Variants in GGH observed in about 807,000 individuals in gnomAD.
The protein encoded by GGH is gamma-glutamyl hydrolase.
Under a neutral mutation model 39.2 loss-of-function variants are expected in GGH, and 18 were observed. The ratio of observed to expected loss-of-function variants is 0.46; its 90% CI spans 0.32 to 0.68. The LOEUF (loss-of-function observed/expected upper bound fraction) is 0.68, where lower values mean the gene tolerates loss of function less well. GGH is among the 30% of genes least tolerant of loss of function. The probability of loss-of-function intolerance (pLI) is 0.04; values close to 1 mark genes in which losing one functional copy is unlikely to be tolerated. For missense variants in GGH, 367 were observed against 384.1 expected (o/e 0.96, Z 0.37); for synonymous variants, 147 against 138.8 (o/e 1.06, Z -0.42).
chr8:63,035,569 T>C (rs1272166411), intron 2 of GGH, 87 bp downstream of exon 2: 46 of 1,510,886 alleles, frequency 3.0e-5, no homozygotes, highest in Non-Finnish European at 3.3e-5. Flanking sequence ...CCTCCCAAAG[T>C]GCTAGAATTA....
intron 4 of GGH, among the ~76,000 whole-genome samples, chr8:63,026,747 A>G (rs1260379328): frequency 1.3e-5 from 2 of 152,194 alleles, no homozygotes; most frequent in African/African-American, 2.4e-5. Flanking sequence ...GAGAAGTCAG[A>G]GGCTCAGAAG....
intron 7 of GGH, among the ~76,000 whole-genome samples, chr8:63,019,779 A>C (rs1037101683): frequency 2.6e-5 from 4 of 152,198 alleles, no homozygotes; most frequent in Non-Finnish European, 5.9e-5. Context: ...CATTCCTTTC[A>C]TCCGAGGGCT....
At chr8:63,027,397 A>G (rs927524010) in intron 3 of GGH, 132 bp from the exon 4 acceptor site, 23 of 526,212 alleles carry the variant, frequency 4.4e-5, no homozygotes, top group Non-Finnish European at 6.9e-5. Context: ...GAAGAAAATT[A>G]GAAAAGTAAA....
chr8:63,028,520 A>C, intron 3 of GGH: 1 of 152,234 alleles, frequency 6.6e-6, no homozygotes, highest in Non-Finnish European at 1.5e-5. Context: ...GCAAAATACT[A>C]TGGGGTCCAC....
chr8:63,036,765 G>A (rs756499422), intron 1 of GGH, among the ~76,000 whole-genome samples: 19 of 152,212 alleles, frequency 1.2e-4, no homozygotes, highest in Non-Finnish European at 2.6e-4. Flanking sequence ...ATTTGTGCCT[G>A]TCACGTTGCA....
At chr8:63,038,316 A>G (rs914127664) in intron 1 of GGH, among the ~76,000 whole-genome samples, 2 of 152,254 alleles carry the variant, frequency 1.3e-5, no homozygotes, top group African/African-American at 4.8e-5. Flanking sequence ...GATGTAAATG[A>G]GTAAAACTTC....
intron 7 of GGH, among the ~76,000 whole-genome samples, chr8:63,023,126 T>C (rs537384391): frequency 6.6e-6 from 1 of 152,168 alleles, no homozygotes; most frequent in Non-Finnish European, 1.5e-5. Context: ...AAAAACTATT[T>C]ACATTTGCTT....
chr8:63,018,251 T>C (rs1182077783), intron 7 of GGH, among the ~76,000 whole-genome samples: 1 of 152,136 alleles, frequency 6.6e-6, no homozygotes, highest in East Asian at 1.9e-4. Flanking sequence ...CTCTCTATGT[T>C]TACATACTCA....
At chr8:63,030,057 C>T (rs768120435) in intron 3 of GGH, 110 bp downstream of exon 3, 32 of 616,712 alleles carry the variant, frequency 5.2e-5, no homozygotes, top group Non-Finnish European at 8.6e-5. Flanking sequence ...TACTATACCA[C>T]TCTAAGACAG....
At chr8:63,035,585 A>G (rs1804891599) in intron 2 of GGH, 71 bp downstream of exon 2, 5 of 1,543,288 alleles carry the variant, frequency 3.2e-6, no homozygotes, top group South Asian at 2.5e-5. Context: ...AATTACAGGC[A>G]TGAGGCACCG....
chr8:63,024,284 A>G, intron 5 of GGH, 98 bp from the exon 6 acceptor site: 1 of 660,396 alleles, frequency 1.5e-6, no homozygotes, highest in East Asian at 2.7e-5. Context: ...TTATGAAGAC[A>G]TAATCAAGAT....
intron 7 of GGH, among the ~76,000 whole-genome samples, chr8:63,021,660 T>G (rs984814726): frequency 1.3e-5 from 2 of 148,194 alleles, no homozygotes; most frequent in Non-Finnish European, 3.0e-5. Context: ...TCCATTCAAA[T>G]CTCATATCCT....
At position 63,015,251 on chromosome 8, in the gene GGH, A is replaced by T. The variant is rs1490846629; in HGVS notation, c.*81T>A. 1 of 706,490 alleles carries T rather than the reference A, an allele frequency of 1.4e-6. No individual in the cohort carries two copies. The highest frequency in any genetic ancestry group is 2.4e-6 in the Non-Finnish European group (1 of 423,772). The allele number at this position is 706,490 out of a possible 1,614,324, so 43.8% of individuals were successfully genotyped here. On this transcript the variant is annotated 3_prime_UTR_variant, in exon 9 of 9. Transcript: ENST00000260118. ...ATAGAAAAGAATCTGTGACTTCCTA[A>T]TCTTGCCATGAGTAGCAAGTTATTC...
rs553896027 is a variant in GGH at position 63,025,772 on chromosome 8, A to C, written c.499+386T>G. 7.9e-5 allele frequency among the ~76,000 whole-genome samples: 12 copies of C among 152,084 alleles called. No homozygotes were observed. The East Asian group carries it at 1.4e-3, about 17-fold the overall frequency. On this transcript the variant is annotated intron_variant, in intron 5 of 8. Coordinates refer to ENST00000260118, the MANE Select transcript of GGH (RefSeq NM_003878.3). ...ATCTTATTTAATATTCACAAAAAAAACCCCTAAGCGTTATTAGACCTTTTT... is the reference window on the plus strand; with the variant it reads ...ATCTTATTTAATATTCACAAAAAAACCCCCTAAGCGTTATTAGACCTTTTT...
intron 1 of GGH, among the ~76,000 whole-genome samples, chr8:63,036,970 C>T (rs1236577705): frequency 6.6e-6 from 1 of 152,124 alleles, no homozygotes; most frequent in Non-Finnish European, 1.5e-5. Context: ...CCAGTGAAAC[C>T]CAGCCCCAGC....
chr8:63,017,407 G>T, intron 8 of GGH, 86 bp downstream of exon 8: 1 of 797,946 alleles, frequency 1.3e-6, no homozygotes, highest in Non-Finnish European at 2.0e-6. Context: ...AACATTTATA[G>T]AGCAAAAGGG....
rs192249512 is a variant in GGH, at chr8:63,015,197, C to G, written c.*135G>C. The G allele has an allele frequency of 2.0e-6, 1 of 512,666 alleles. No homozygotes were observed. The allele number at this position is 512,666 out of a possible 1,614,324, so 31.8% of individuals were successfully genotyped here. On this transcript the variant is annotated 3_prime_UTR_variant, in exon 9 of 9. Coordinates refer to ENST00000260118, the MANE Select transcript of GGH (RefSeq NM_003878.3). ...CTAATGTTATATAAATAGTCACATA[C>G]AGAATGAAGAATCAGAGCCAGGCAC...
At chr8:63,025,988 T>C (rs1439479896) in intron 5 of GGH, among the ~76,000 whole-genome samples, 170 bp downstream of exon 5, 1 of 152,218 alleles carries the variant, frequency 6.6e-6, no homozygotes, top group Non-Finnish European at 1.5e-5. Flanking sequence ...AGGATGGTCA[T>C]TCACATCTTC....
At chr8:63,027,340 T>C (rs1804706169) in intron 3 of GGH, 75 bp from the exon 4 acceptor site, 1 of 710,006 alleles carries the variant, frequency 1.4e-6, no homozygotes, top group South Asian at 1.7e-5. Flanking sequence ...AAAACAATCT[T>C]TTTATTTTAA....
Sources: allele counts gnomAD v4.1 joint callset (sites outside exome capture counted in the v4.1 genomes callset), GRCh38; gene constraint gnomAD v4.1.1; transcripts MANE v1.5; gene names NCBI Gene and HGNC (gene_info 2026-07-23, HGNC 2026-07-21).